The following ITIH5 variants were observed in gnomAD, a reference collection of about 807,000 sequenced individuals.
ITIH5 encodes the protein inter-alpha-trypsin inhibitor heavy chain H5.
Under a neutral mutation model 77.5 loss-of-function variants are expected in ITIH5, and 65 were observed. The observed-to-expected ratio is 0.84, with a 90% CI of 0.69 to 1.03. The LOEUF (loss-of-function observed/expected upper bound fraction) is 1.03, where lower values mean the gene tolerates loss of function less well. ITIH5 is among the 50% of genes least tolerant of loss of function. The pLI, the probability that ITIH5 is intolerant of heterozygous loss-of-function variation, is 0.00. For synonymous variants in ITIH5, 525 were observed against 494.3 expected (o/e 1.06, Z -0.82); for missense variants, 1,208 against 1,213.1 (o/e 1.00, Z 0.06).
chr10:7,596,864 G>A (rs1832909384), intron 7 of ITIH5, among the ~76,000 whole-genome samples: 2 of 151,498 alleles, frequency 1.3e-5, no homozygotes, highest in South Asian at 2.1e-4. Flanking sequence ...CCTGGCCAAC[G>A]TGGCAAAACC....
At chr10:7,655,366 T>C (rs1178178026) in intron 2 of ITIH5, among the ~76,000 whole-genome samples, 2 of 152,126 alleles carry the variant, frequency 1.3e-5, no homozygotes, top group Non-Finnish European at 1.5e-5. Flanking sequence ...AAAAGTTATA[T>C]TTAGGCTTTA....
Position 7,559,865 on chromosome 10 carries a change from T to G in ITIH5, c.*3218A>C. On this transcript the variant is annotated 3_prime_UTR_variant, in exon 14 of 14. Transcript: ENST00000397146. The stretch of plus-strand genomic sequence containing the variant: ...TGTCTTTTTTTTGTTTTGTTTTGTT[T>G]TTTTTTGACGGAGTTTGGCTCTGTC... 2.2e-6 allele frequency: 1 copy of G among 454,776 alleles called. No homozygotes were observed. Among genetic ancestry groups the G allele is most frequent in the Non-Finnish European group, 4.4e-6 (1 of 226,624 alleles). 28.2% of individuals were successfully genotyped at this position (454,776 alleles called of 1,614,324 possible).
At chr10:7,629,794 T>G (rs908302423) in intron 5 of ITIH5, among the ~76,000 whole-genome samples, 10 of 152,326 alleles carry the variant, frequency 6.6e-5, no homozygotes, top group African/African-American at 1.9e-4. Flanking sequence ...TCTGAACAAG[T>G]ATTTAAGTAC....
At chr10:7,594,732 AC>A (rs1332835315) in intron 7 of ITIH5, among the ~76,000 whole-genome samples, 2 of 152,078 alleles carry the variant, frequency 1.3e-5, no homozygotes, top group African/African-American at 2.4e-5. Flanking sequence ...TGGGGTGGAA[AC>A]CAAGGGGATG....
At chr10:7,639,092 G>T (rs1326688293) in intron 4 of ITIH5, among the ~76,000 whole-genome samples, 2 of 152,210 alleles carry the variant, frequency 1.3e-5, no homozygotes, top group African/African-American at 2.4e-5. Context: ...GAACAATTGT[G>T]ATAAAGACCA....
intron 8 of ITIH5, among the ~76,000 whole-genome samples, chr10:7,581,829 T>G (rs1193771406): frequency 1.4e-5 from 2 of 147,904 alleles, no homozygotes; most frequent in African/African-American, 5.0e-5. Flanking sequence ...CCCAAAGTGC[T>G]GGGACTACAG....
intron 7 of ITIH5, among the ~76,000 whole-genome samples, chr10:7,597,064 ATT>A (rs1832917650): frequency 6.9e-6 from 1 of 145,970 alleles, no homozygotes; most frequent in Non-Finnish European, 1.5e-5. Flanking sequence ...AAAAAAAAAA[ATT>A]CCACCAAAGA....
At chr10:7,595,230 T>TA (rs1832871029) in intron 7 of ITIH5, among the ~76,000 whole-genome samples, 2 of 151,594 alleles carry the variant, frequency 1.3e-5, no homozygotes, top group East Asian at 1.9e-4. Flanking sequence ...AAAATGTAAA[T>TA]AAAAAAATAA....
chr10:7,567,738 CA>C (rs1024573161), intron 12 of ITIH5, among the ~76,000 whole-genome samples: 12 of 150,546 alleles, frequency 8.0e-5, no homozygotes, highest in African/African-American at 2.7e-4. Context: ...TTAGACAAGT[CA>C]AAAAAAAACC....
chr10:7,597,322 C>T (rs2130998954), intron 7 of ITIH5, among the ~76,000 whole-genome samples: 1 of 152,228 alleles, frequency 6.6e-6, no homozygotes, highest in East Asian at 1.9e-4. Context: ...TCCTCAGTGC[C>T]CCTTGGTGGG....
intron 7 of ITIH5, among the ~76,000 whole-genome samples, chr10:7,611,538 A>C (rs1217139892): frequency 7.0e-6 from 1 of 143,272 alleles, no homozygotes; most frequent in African/African-American, 2.6e-5. Flanking sequence ...TAAACCCTGA[A>C]GTGCTCTGGC....
chr10:7,621,358 C>A (rs1179125487), intron 5 of ITIH5: 1 of 152,148 alleles, frequency 6.6e-6, no homozygotes, highest in Non-Finnish European at 1.5e-5. Flanking sequence ...AGTATAATTT[C>A]TCTGTCCATC....
chr10:7,644,555 C>CACATATATATCAT (rs1833952167), intron 2 of ITIH5, among the ~76,000 whole-genome samples: 1 of 118,218 alleles, frequency 8.5e-6, no homozygotes, highest in African/African-American at 3.4e-5. Flanking sequence ...TATGATATAT[C>CACATATATATCAT]ACATATATAT....
At position 7,644,527 on chromosome 10, in the gene ITIH5, T is replaced by TCACATATATATCACATATATCAC. The variant is rs370223020; in HGVS notation, c.136-2438_136-2437insGTGATATATGTGATATATATGTG. 1.4e-3 allele frequency among the ~76,000 whole-genome samples: 167 copies of TCACATATATATCACATATATCAC among 122,904 alleles called. 3 individuals are homozygous for TCACATATATATCACATATATCAC. Among genetic ancestry groups the TCACATATATATCACATATATCAC allele is most frequent in the South Asian group, 2.6e-3 (10 of 3,890 alleles). 80.6% of individuals were successfully genotyped at this position (122,904 alleles called of 152,430 possible). A position where few individuals can be genotyped will look rare whatever the true frequency, so the allele number is the denominator to read the frequency against. ...ATATATATGATATATATCACATATA[T>TCACATATATATCACATATATCAC]ATGATATATCACATATATATGATAT... On this transcript the variant is annotated intron_variant, in intron 2 of 13. Coordinates refer to ENST00000397146, the MANE Select transcript of ITIH5 (RefSeq NM_030569.7).
At chr10:7,645,063 C>A (rs1227161418) in intron 2 of ITIH5, among the ~76,000 whole-genome samples, 5 of 151,038 alleles carry the variant, frequency 3.3e-5, no homozygotes, top group African/African-American at 1.2e-4. Context: ...AATGGGCAAG[C>A]ACTCCATGCA....
At chr10:7,646,856 C>A (rs941890491) in intron 2 of ITIH5, among the ~76,000 whole-genome samples, 3 of 152,174 alleles carry the variant, frequency 2.0e-5, no homozygotes, top group African/African-American at 7.2e-5. Context: ...AAGCTAGATG[C>A]CCTGTCATGC....
intron 7 of ITIH5, 51 bp downstream of exon 7, chr10:7,615,931 G>T: frequency 1.8e-6 from 2 of 1,137,902 alleles, no homozygotes; most frequent in Non-Finnish European, 2.7e-6. Context: ...GCAAGTCATT[G>T]TCCCAGGCAA....
intron 13 of ITIH5, among the ~76,000 whole-genome samples, chr10:7,565,311 A>ATG (rs1832126237): frequency 1.3e-5 from 2 of 149,668 alleles, no homozygotes; most frequent in South Asian, 4.2e-4. Context: ...CTGTATATAT[A>ATG]TATACACACA....
At position 7,666,695 on chromosome 10, in the gene ITIH5, G is replaced by A. The variant is rs1834366835; in HGVS notation, c.90+108C>T. 6.3e-6 allele frequency: 5 copies of A among 798,878 alleles called. No individual in the cohort carries two copies. In the South Asian group the frequency reaches 8.8e-5, roughly 14 times the overall value. The allele number at this position is 798,878 out of a possible 1,614,324, so 49.5% of individuals were successfully genotyped here. A position where few individuals can be genotyped will look rare whatever the true frequency, so the allele number is the denominator to read the frequency against. ...AGAGGGACCCCTGGGCCTCTGGTGG[G>A]GGCCTGGGAGACGGTCGAAGGGGGC... On this transcript the variant is annotated intron_variant, in intron 1 of 13. Transcript: ENST00000397146.
Sources: gnomAD v4.1 joint callset for allele counts (sites outside exome capture counted in the v4.1 genomes callset) on GRCh38, gnomAD v4.1.1 for gene constraint, MANE v1.5 for transcripts, NCBI Gene and HGNC (gene_info 2026-07-23, HGNC 2026-07-21) for gene names.